SCAPER: variants seen among roughly 807,000 people sequenced by gnomAD.
SCAPER encodes S phase cyclin A-associated protein in the endoplasmic reticulum.
In SCAPER, 98 loss-of-function variants were observed where a neutral mutation model predicts 182.2. The observed-to-expected ratio is 0.54, with a 90% CI of 0.46 to 0.64. SCAPER has a LOEUF of 0.64. Among genes scored for constraint, SCAPER ranks in the 30% least tolerant of loss-of-function variants. SCAPER has a pLI of 0.00. For missense variants in SCAPER, 1,432 were observed against 1,690.0 expected (o/e 0.85, Z 2.68); for synonymous variants, 605 against 564.6 (o/e 1.07, Z -1.01).
At chr15:76,459,120 G>A (rs879353291) in intron 25 of SCAPER, among the ~76,000 whole-genome samples, 4 of 152,076 alleles carry the variant, frequency 2.6e-5, no homozygotes, top group Admixed American at 6.5e-5. Flanking sequence ...CAAAACTCCT[G>A]GGCTCAAGTG....
intron 27 of SCAPER, among the ~76,000 whole-genome samples, chr15:76,402,520 C>T (rs1467956821): frequency 2.0e-5 from 3 of 151,802 alleles, no homozygotes; most frequent in African/African-American, 7.3e-5. Context: ...CTTTTTTGAC[C>T]TCCTCTGTAA....
chr15:76,536,656 A>G (rs935375239), intron 23 of SCAPER, among the ~76,000 whole-genome samples: 1 of 152,104 alleles, frequency 6.6e-6, no homozygotes, highest in African/African-American at 2.4e-5. Flanking sequence ...AAACTGGCAC[A>G]AGACAGGGAT....
At chr15:76,658,482 T>C (rs940110130) in intron 21 of SCAPER, among the ~76,000 whole-genome samples, 1 of 152,194 alleles carries the variant, frequency 6.6e-6, no homozygotes, top group Non-Finnish European at 1.5e-5. Flanking sequence ...ATGGCCATAC[T>C]GCTCAAAGCA....
chr15:76,453,785 T>A (rs1184192989), intron 25 of SCAPER, among the ~76,000 whole-genome samples: 1 of 152,230 alleles, frequency 6.6e-6, no homozygotes, highest in Non-Finnish European at 1.5e-5. Flanking sequence ...TCTTGGGAGA[T>A]GGGTATGGCA....
chr15:76,534,815 AATTAT>A (rs1205425833), intron 23 of SCAPER, among the ~76,000 whole-genome samples: 3 of 152,182 alleles, frequency 2.0e-5, no homozygotes, highest in Non-Finnish European at 4.4e-5. Context: ...GGTTAAATTC[AATTAT>A]ATTTATAAAT....
Position 76,495,989 on chromosome 15 carries a change from GAGAGACACACAC to G in SCAPER, c.2954+8858_2954+8869del, listed in dbSNP as rs1274859749. ...GGAGAAAGAGAAAGAAAGCAAAAGA[GAGAGACACACAC>G]ACACACACACACACACACACACACA... On this transcript the variant is annotated intron_variant, in intron 24 of 31. Transcript: ENST00000563290. Among the ~76,000 whole-genome samples the G allele has an allele frequency of 3.2e-3, 342 of 105,570 alleles. 1 individual carries two copies. Among genetic ancestry groups the G allele is most frequent in the East Asian group, 5.2e-3 (22 of 4,208 alleles). 69.3% of individuals were successfully genotyped at this position (105,570 alleles called of 152,430 possible).
At chr15:76,574,700 G>A (rs1257975739) in intron 22 of SCAPER, among the ~76,000 whole-genome samples, 3 of 152,140 alleles carry the variant, frequency 2.0e-5, no homozygotes, top group Non-Finnish European at 4.4e-5. Context: ...CTCTCAGAAT[G>A]TTGAACTTCC....
chr15:76,835,034 C>T (rs1598995670), intron 5 of SCAPER, among the ~76,000 whole-genome samples: 1 of 151,964 alleles, frequency 6.6e-6, no homozygotes, highest in South Asian at 2.1e-4. Flanking sequence ...TTGGCAGAGA[C>T]GCAACATCCA....
At chr15:76,572,147 G>C (rs2047475065) in intron 23 of SCAPER, among the ~76,000 whole-genome samples, 1 of 151,954 alleles carries the variant, frequency 6.6e-6, no homozygotes, top group South Asian at 2.1e-4. Context: ...AATAACTTTA[G>C]GTAAATTTTC....
intron 21 of SCAPER, among the ~76,000 whole-genome samples, chr15:76,640,536 A>G (rs2054016957): frequency 6.6e-6 from 1 of 152,170 alleles, no homozygotes; most frequent in Non-Finnish European, 1.5e-5. Flanking sequence ...TCTAATCTCA[A>G]CCCCATTCAA....
At chr15:76,822,247 T>C (rs2067633023) in intron 5 of SCAPER, among the ~76,000 whole-genome samples, 1 of 152,312 alleles carries the variant, frequency 6.6e-6, no homozygotes, top group Admixed American at 6.5e-5. Flanking sequence ...GAGGAGGCTA[T>C]GCATGTATGG....
intron 23 of SCAPER, among the ~76,000 whole-genome samples, chr15:76,563,217 T>C (rs1170436927): frequency 1.3e-5 from 2 of 152,226 alleles, no homozygotes; most frequent in African/African-American, 4.8e-5. Flanking sequence ...CTGAGGTTTT[T>C]GCCTTCATAG....
intron 29 of SCAPER, among the ~76,000 whole-genome samples, chr15:76,375,215 C>CAAAAAAAAA (rs35499483): frequency 1.8e-5 from 1 of 56,926 alleles, no homozygotes; most frequent in Non-Finnish European, 3.0e-5. Flanking sequence ...AAGAACTTGT[C>CAAAAAAAAA]AAAAAAAAAA....
At chr15:76,672,204 C>T (rs2057069320) in intron 20 of SCAPER, among the ~76,000 whole-genome samples, 1 of 152,304 alleles carries the variant, frequency 6.6e-6, no homozygotes, top group East Asian at 1.9e-4. Context: ...CAAGCCACTA[C>T]ATTTTTCACA....
chr15:76,410,625 G>A (rs560042443), intron 26 of SCAPER, among the ~76,000 whole-genome samples: 35 of 152,198 alleles, frequency 2.3e-4, no homozygotes, highest in Non-Finnish European at 4.9e-4. Context: ...GCTATAGTTT[G>A]GTCAAGGTCA....
chr15:76,711,655 T>G (rs1256892703), intron 17 of SCAPER, among the ~76,000 whole-genome samples: 1 of 152,184 alleles, frequency 6.6e-6, no homozygotes, highest in East Asian at 1.9e-4. Flanking sequence ...GGTATCTCAT[T>G]GTGGTTTTGA....
At chr15:76,443,916 G>A (rs1478664847) in intron 25 of SCAPER, among the ~76,000 whole-genome samples, 1 of 152,218 alleles carries the variant, frequency 6.6e-6, no homozygotes, top group Non-Finnish European at 1.5e-5. Flanking sequence ...CCCAGTCAAA[G>A]CAAATGCGGA....
chr15:76,719,417 G>A (rs1369678006), intron 17 of SCAPER, among the ~76,000 whole-genome samples: 1 of 152,098 alleles, frequency 6.6e-6, no homozygotes, highest in African/African-American at 2.4e-5. Flanking sequence ...AAGAGGAGAC[G>A]TAGATCAGAG....
At chr15:76,385,286 C>A (rs2043223237) in intron 27 of SCAPER, 1 of 152,216 alleles carries the variant, frequency 6.6e-6, no homozygotes, top group African/African-American at 2.4e-5. Context: ...CCTAAAAAAG[C>A]AGCTGTGACA....
Sources: gnomAD v4.1 joint callset for allele counts (sites outside exome capture counted in the v4.1 genomes callset) on GRCh38, gnomAD v4.1.1 for gene constraint, MANE v1.5 for transcripts, NCBI Gene and HGNC (gene_info 2026-07-23, HGNC 2026-07-21) for gene names.